DDX31: variants seen among roughly 807,000 people sequenced by gnomAD.
The protein encoded by DDX31 is ATP-dependent DNA helicase DDX31.
Under a neutral mutation model 91.3 loss-of-function variants are expected in DDX31, and 70 were observed. The ratio of observed to expected loss-of-function variants is 0.77; its 90% CI spans 0.63 to 0.94. DDX31 has a LOEUF of 0.94. DDX31 is among the 40% of genes least tolerant of loss of function. The pLI is 0.00. For synonymous variants in DDX31, 362 were observed against 350.6 expected, an observed-to-expected ratio of 1.03 and a Z score of -0.36; for missense variants, 902 against 925.0, an observed-to-expected ratio of 0.98 and a Z score of 0.32.
At chr9:132,609,999 C>T (rs1039411504) in intron 19 of DDX31, among the ~76,000 whole-genome samples, 1 of 152,214 alleles carries the variant, frequency 6.6e-6, no homozygotes, top group Non-Finnish European at 1.5e-5. Flanking sequence ...GAGATGGTAA[C>T]AAAATGATCA....
At chr9:132,622,623 A>G (rs1832114717) in intron 17 of DDX31, among the ~76,000 whole-genome samples, 2 of 152,240 alleles carry the variant, frequency 1.3e-5, no homozygotes, top group African/African-American at 4.8e-5. Context: ...GAAAGAGTAT[A>G]CCTGAGACGA....
intron 16 of DDX31, among the ~76,000 whole-genome samples, chr9:132,626,144 A>G (rs1832377922): frequency 6.6e-6 from 1 of 151,978 alleles, no homozygotes; most frequent in Non-Finnish European, 1.5e-5. Context: ...AGAGGAAAAA[A>G]AAAAAAAAAA....
intron 17 of DDX31, among the ~76,000 whole-genome samples, chr9:132,621,202 T>C (rs1310150320): frequency 1.1e-4 from 17 of 152,220 alleles, no homozygotes; most frequent in Admixed American, 1.1e-3. Flanking sequence ...GGACTATTTT[T>C]ATTATAAAAA....
At position 132,612,178 on chromosome 9, in the gene DDX31, G is replaced by A. The variant is rs139557900; in HGVS notation, c.1903C>T (p.Leu635Phe). The A allele has an allele frequency of 2.4e-5, 39 of 1,614,110 alleles. No homozygotes were observed. In the African/African-American group the frequency reaches 4.0e-4, roughly 17 times the overall value. ...CCGAAGCTCTTCGCCACATGCCCAAGGTGGAGGGATCGGACGTGGAAGATG... is the reference window on the plus strand; with the variant it reads ...CCGAAGCTCTTCGCCACATGCCCAAAGTGGAGGGATCGGACGTGGAAGATG... ...KHIFHVRSLH[L>F]GHVAKSFGLR... is the part of the protein sequence containing the mutation. Residue 635 changes from leucine (L) to phenylalanine (F), a missense_variant, in exon 19 of 20, where the codon CTT becomes TTT. Coordinates refer to ENST00000372159, the MANE Select transcript of DDX31 (RefSeq NM_022779.9).
intron 18 of DDX31, among the ~76,000 whole-genome samples, chr9:132,614,701 T>A (rs1177133734): frequency 6.6e-6 from 1 of 152,176 alleles, no homozygotes; most frequent in Non-Finnish European, 1.5e-5. Context: ...AGCTGAGCAC[T>A]GAGAGCATCT....
chr9:132,595,076 G>T lies in DDX31; in HGVS notation c.2031C>A (p.Ser677Arg), dbSNP rs758557727. The change falls in exon 20 of 20, where the codon AGC becomes AGA. Residue 677 changes from serine (S) to arginine (R), a missense_variant. Physicochemically the swap from Ser to Arg is moderately radical, Grantham distance 110. Transcript: ENST00000372159. The surrounding 1 kb of genome is among the most constrained non-coding windows in gnomAD (Gnocchi z 4.6). Reference sequence around the variant, plus strand: ...ATTCCGAACGTAGGATTTCAGCGAGGCTGTGTTTACTCTGGGTCTTCTTAT... The same window carrying T: ...ATTCCGAACGTAGGATTTCAGCGAGTCTGTGTTTACTCTGGGTCTTCTTAT... ...DLHKKTQSKHSLAEILRSEYS... is the reference protein window; with the variant it reads ...DLHKKTQSKHRLAEILRSEYS... The T allele has an allele frequency of 6.2e-7, 1 of 1,614,232 alleles. No individual in the cohort carries two copies. The highest frequency in any genetic ancestry group is 1.1e-5 in the South Asian group (1 of 91,088).
intron 14 of DDX31, among the ~76,000 whole-genome samples, chr9:132,637,220 A>G (rs948149001): frequency 6.6e-6 from 1 of 152,186 alleles, no homozygotes; most frequent in African/African-American, 2.4e-5. Flanking sequence ...AGCCAGCTAC[A>G]TCAGATCAAC....
chr9:132,669,654 C>A, intron 1 of DDX31: 1 of 1,532,394 alleles, frequency 6.5e-7, no homozygotes, highest in Non-Finnish European at 8.7e-7. Context: ...CCGCTCCACT[C>A]CCCGCTTCCA....
intron 6 of DDX31, among the ~76,000 whole-genome samples, chr9:132,653,494 C>CAAAAAAAAAAA (rs71376648): frequency 6.3e-4 from 13 of 20,650 alleles, no homozygotes; most frequent in African/African-American, 8.0e-4. Flanking sequence ...AACTCAGTCT[C>CAAAAAAAAAAA]AAAAAAAAAA....
chr9:132,596,108 T>A (rs1024777336), intron 19 of DDX31, among the ~76,000 whole-genome samples: 1 of 152,256 alleles, frequency 6.6e-6, no homozygotes, highest in African/African-American at 2.4e-5. Context: ...CATGGAGTTC[T>A]CACAAAGACA....
At chr9:132,639,357 C>CA (rs1833341321) in intron 14 of DDX31, among the ~76,000 whole-genome samples, 1 of 152,110 alleles carries the variant, frequency 6.6e-6, no homozygotes, top group African/African-American at 2.4e-5. Flanking sequence ...CACTACACAG[C>CA]AAAGAGAGTC....
intron 19 of DDX31, among the ~76,000 whole-genome samples, chr9:132,606,124 G>A (rs1015936731): frequency 2.0e-5 from 3 of 152,196 alleles, no homozygotes; most frequent in East Asian, 1.9e-4. Context: ...GGATTTACAC[G>A]GAGAAATCCT....
At chr9:132,610,752 C>T (rs1425466165) in intron 19 of DDX31, among the ~76,000 whole-genome samples, 1 of 152,072 alleles carries the variant, frequency 6.6e-6, no homozygotes, top group Non-Finnish European at 1.5e-5. Flanking sequence ...ACAGGAATCA[C>T]CTGATTTTGA....
intron 19 of DDX31, among the ~76,000 whole-genome samples, chr9:132,606,107 G>C (rs1466735474): frequency 6.6e-6 from 1 of 152,220 alleles, no homozygotes; most frequent in Non-Finnish European, 1.5e-5. Flanking sequence ...ACTGACTCAG[G>C]TGCAGTGGAT....
intron 18 of DDX31, among the ~76,000 whole-genome samples, chr9:132,617,258 T>TG (rs1831697058): frequency 1.3e-5 from 2 of 152,094 alleles, no homozygotes; most frequent in Admixed American, 1.3e-4. Flanking sequence ...ACCTACACAA[T>TG]GAGGCTCACT....
At chr9:132,638,506 G>T in intron 14 of DDX31, 3 of 1,203,086 alleles carry the variant, frequency 2.5e-6, no homozygotes, top group Non-Finnish European at 3.5e-6. Context: ...ACTTAACTTG[G>T]CTTTTTCTTA....
chr9:132,662,706 C>T lies in DDX31; in HGVS notation c.76-11G>A. Reference sequence around the variant, plus strand: ...CGTAGCCTTTGCTTGCTGCGTTGTTCCCAGAAGGAAAGATCAACAAGAGAT... The same window carrying T: ...CGTAGCCTTTGCTTGCTGCGTTGTTTCCAGAAGGAAAGATCAACAAGAGAT... On this transcript the variant is annotated splice_polypyrimidine_tract_variant and intron_variant, in intron 1 of 19. Transcript: ENST00000372159. The T allele has an allele frequency of 6.2e-7, 1 of 1,613,756 alleles. No individual in the cohort carries two copies.
At chr9:132,632,235 T>C (rs1832780327) in intron 14 of DDX31, 144 bp from the exon 15 acceptor site, 3 of 127,470 alleles carry the variant, frequency 2.4e-5, no homozygotes, top group Admixed American at 2.3e-4. Context: ...ATATGCCCAG[T>C]ACGTGTACAC....
At chr9:132,627,844 G>T (rs1040700814) in intron 16 of DDX31, among the ~76,000 whole-genome samples, 2 of 152,176 alleles carry the variant, frequency 1.3e-5, no homozygotes, top group Non-Finnish European at 2.9e-5. Context: ...TCTCCAATCT[G>T]CCCTGTGGTG....
Sources: gnomAD v4.1 joint callset for allele counts (sites outside exome capture counted in the v4.1 genomes callset) on GRCh38, gnomAD v4.1.1 for gene constraint, Gnocchi (gnomAD v3.1) non-coding constraint, MANE v1.5 for transcripts, NCBI Gene and HGNC (gene_info 2026-07-23, HGNC 2026-07-21) for gene names.